The following CRB1 variants were observed in gnomAD, a reference collection of about 807,000 sequenced individuals.
CRB1 encodes the protein crumbs cell polarity complex component 1, also known as protein crumbs homolog 1.
CRB1 carries 83 observed loss-of-function variants against 120.0 expected under a neutral mutation model. The ratio of observed to expected loss-of-function variants is 0.69; its 90% CI spans 0.58 to 0.83. CRB1 has a LOEUF of 0.83. Ranked by LOEUF, CRB1 falls within the 40% of genes least tolerant of loss-of-function variation. CRB1 has a pLI of 0.00. For missense variants in CRB1, 1,699 were observed against 1,687.6 expected (o/e 1.01, Z -0.12); for synonymous variants, 625 against 612.5 (o/e 1.02, Z -0.30).
intron 1 of CRB1, 124 bp downstream of exon 1, chr1:197,268,606 T>C (rs548986690): frequency 3.1e-6 from 2 of 639,064 alleles, no homozygotes; most frequent in African/African-American, 1.9e-5. Flanking sequence ...TTTTTATTTG[T>C]TTTTTTTTTA....
chr1:197,257,367 A>G, the CRB1 span, among the ~76,000 whole-genome samples: 2 of 152,106 alleles, frequency 1.3e-5, no homozygotes, highest in Admixed American at 6.6e-5. Flanking sequence ...AAACACCCCC[A>G]TTACACACCC....
At chr1:197,302,379 T>C (rs1343592799) in intron 1 of CRB1, among the ~76,000 whole-genome samples, 1 of 152,248 alleles carries the variant, frequency 6.6e-6, no homozygotes, top group Non-Finnish European at 1.5e-5. Flanking sequence ...AACTTTTATA[T>C]GCACTAGGAA....
the CRB1 span, among the ~76,000 whole-genome samples, chr1:197,213,185 A>G: frequency 6.6e-6 from 1 of 152,242 alleles, no homozygotes; most frequent in African/African-American, 2.4e-5. Context: ...GAGAAGTTCC[A>G]GTATAAGTAA....
chr1:197,265,194 T>A (rs1654604593), upstream of CRB1, among the ~76,000 whole-genome samples: 3 of 152,252 alleles, frequency 2.0e-5, no homozygotes, highest in Admixed American at 2.0e-4. Context: ...ATTGTAGCAT[T>A]TCCACATGAG....
At chr1:197,292,627 A>C (rs1426178634) in intron 1 of CRB1, among the ~76,000 whole-genome samples, 1 of 152,172 alleles carries the variant, frequency 6.6e-6, no homozygotes, top group Non-Finnish European at 1.5e-5. Flanking sequence ...TTTTAGACCA[A>C]TATCCCTGAT....
At chr1:197,334,901 A>G (rs1381540222) in intron 2 of CRB1, among the ~76,000 whole-genome samples, 3 of 152,260 alleles carry the variant, frequency 2.0e-5, no homozygotes, top group Non-Finnish European at 2.9e-5. Flanking sequence ...ATAGATGTCT[A>G]TAAAACAAGT....
chr1:197,388,800 C>G (rs1032305120), intron 5 of CRB1, among the ~76,000 whole-genome samples: 6 of 152,046 alleles, frequency 3.9e-5, no homozygotes, highest in Non-Finnish European at 8.8e-5. Context: ...TTAATTTTCT[C>G]TTTATCTGTC....
At chr1:197,383,019 A>G (rs1030116319) in intron 5 of CRB1, among the ~76,000 whole-genome samples, 4 of 152,104 alleles carry the variant, frequency 2.6e-5, no homozygotes, top group Admixed American at 1.3e-4. Flanking sequence ...ACCCTCAAAA[A>G]TCATAGGTTA....
chr1:197,390,567 G>T (rs887492193), intron 5 of CRB1, among the ~76,000 whole-genome samples: 20 of 151,994 alleles, frequency 1.3e-4, no homozygotes, highest in African/African-American at 4.8e-4. Context: ...GTTTGACCCA[G>T]CATACAGAAT....
intron 5 of CRB1, among the ~76,000 whole-genome samples, chr1:197,373,484 G>A (rs1318975347): frequency 1.3e-5 from 2 of 152,124 alleles, no homozygotes; most frequent in Non-Finnish European, 2.9e-5. Context: ...GTTCATAAAT[G>A]GTCAAGGCAT....
At chr1:197,351,588 A>G (rs914750694) in intron 4 of CRB1, among the ~76,000 whole-genome samples, 1 of 152,194 alleles carries the variant, frequency 6.6e-6, no homozygotes, top group African/African-American at 2.4e-5. Flanking sequence ...GTTAATTTCA[A>G]AAGAGTTCCC....
At chr1:197,282,691 T>C (rs1381769046) in intron 1 of CRB1, among the ~76,000 whole-genome samples, 1 of 151,812 alleles carries the variant, frequency 6.6e-6, no homozygotes, top group Non-Finnish European at 1.5e-5. Context: ...AATTAGAATA[T>C]AAGGCACAGA....
At position 197,320,388 on chromosome 1, in the gene CRB1, T is replaced by C. The variant is rs75086423; in HGVS notation, c.71-8034T>C. On this transcript the variant is annotated intron_variant, in intron 1 of 11. Coordinates refer to ENST00000367400, the MANE Select transcript of CRB1 (RefSeq NM_201253.3). ...TGTGCCAGAATAGACCTGGTCCCTA[T>C]TGAGTTATAATTCACTAGGTATTAC... Among the ~76,000 whole-genome samples the C allele has an allele frequency of 8.7e-4, 132 of 152,336 alleles. 1 individual carries two copies. The East Asian group carries it at 0.021, about 25-fold the overall frequency.
At chr1:197,407,683 G>A (rs79000440) in intron 5 of CRB1, among the ~76,000 whole-genome samples, 3,171 of 152,216 alleles carry the variant, frequency 0.021, 46 homozygotes, top group Non-Finnish European at 0.035. Flanking sequence ...TTCTAGTGAT[G>A]TGTCCTAAGA....
At chr1:197,268,197 A>T, upstream of CRB1, 1 of 523,054 alleles carries the variant, frequency 1.9e-6, no homozygotes, top group South Asian at 2.1e-5. Flanking sequence ...TTGAAAAATC[A>T]CCCCATCCTC....
At chr1:197,220,806 C>T in the CRB1 span, among the ~76,000 whole-genome samples, 77 of 152,138 alleles carry the variant, frequency 5.1e-4, 1 homozygote, top group African/African-American at 1.8e-3. Flanking sequence ...GGCACCTTCC[C>T]CCACCTCTTT....
At chr1:197,326,719 G>T (rs1386372431) in intron 1 of CRB1, among the ~76,000 whole-genome samples, 3 of 151,960 alleles carry the variant, frequency 2.0e-5, no homozygotes, top group African/African-American at 7.2e-5. Flanking sequence ...CTGGGGAACA[G>T]AACCTTTTTA....
chr1:197,345,219 C>A (rs540892270), intron 3 of CRB1, among the ~76,000 whole-genome samples: 1 of 152,118 alleles, frequency 6.6e-6, no homozygotes, highest in African/African-American at 2.4e-5. Flanking sequence ...CAATTTTTAA[C>A]AAGATTAGCA....
At chr1:197,464,330 T>C (rs1035540407) in intron 11 of CRB1, among the ~76,000 whole-genome samples, 1 of 152,162 alleles carries the variant, frequency 6.6e-6, no homozygotes, top group Non-Finnish European at 1.5e-5. Flanking sequence ...TTGGCATCAA[T>C]CCTTGGAAAC....
Sources: allele counts gnomAD v4.1 joint callset (sites outside exome capture counted in the v4.1 genomes callset), GRCh38; gene constraint gnomAD v4.1.1; transcripts MANE v1.5; gene names NCBI Gene and HGNC (gene_info 2026-07-23, HGNC 2026-07-21).